ZEB1: variants seen among roughly 807,000 people sequenced by gnomAD.
The protein encoded by ZEB1 is zinc finger E-box binding homeobox 1.
ZEB1 carries 21 observed loss-of-function variants against 84.9 expected under a neutral mutation model. That is an observed-to-expected ratio of 0.25 (90% CI 0.18 to 0.36). The LOEUF (loss-of-function observed/expected upper bound fraction) is 0.36. Ranked by LOEUF, ZEB1 falls within the 10% of genes least tolerant of loss-of-function variation. The pLI is 1.00. For missense variants in ZEB1, 1,104 were observed against 1,330.2 expected (o/e 0.83, Z 2.65); for synonymous variants, 420 against 471.1 (o/e 0.89, Z 1.41).
intron 1 of ZEB1, among the ~76,000 whole-genome samples, chr10:31,392,742 A>C (rs1322867063): frequency 6.6e-6 from 1 of 151,838 alleles, no homozygotes; most frequent in African/African-American, 2.4e-5. Flanking sequence ...TTCTGAAAGG[A>C]GTAGAAAACA....
At chr10:31,372,879 A>G (rs2045960594) in intron 1 of ZEB1, 8 of 510,710 alleles carry the variant, frequency 1.6e-5, no homozygotes, top group Non-Finnish European at 2.0e-5. Context: ...TTCTTTTATT[A>G]TAGCATGTCT....
At chr10:31,328,634 A>G (rs764225346) in intron 1 of ZEB1, among the ~76,000 whole-genome samples, 29 of 152,150 alleles carry the variant, frequency 1.9e-4, no homozygotes, top group Admixed American at 6.5e-5. Context: ...TAAATGATCA[A>G]TAGACACTGA....
chr10:31,509,225 G>C (rs2069527546), intron 4 of ZEB1, among the ~76,000 whole-genome samples: 1 of 152,146 alleles, frequency 6.6e-6, no homozygotes, highest in Admixed American at 6.5e-5. Context: ...TCCCTCTCCG[G>C]AGCAGCATTG....
chr10:31,406,127 A>G lies in ZEB1; in HGVS notation c.59-54910A>G, dbSNP rs189258243. On this transcript the variant is annotated intron_variant, in intron 1 of 8. Coordinates refer to ENST00000424869, the MANE Select transcript of ZEB1 (RefSeq NM_001174096.2). ...TTTGAATTGGTTCCAAGTTTTTGCT[A>G]TTGTGAACAGTGCTGCAGTAAACAT... 1.8e-3 allele frequency among the ~76,000 whole-genome samples: 281 copies of G among 152,258 alleles called. 3 individuals carry two copies. Among genetic ancestry groups the G allele is most frequent in the African/African-American group, 6.4e-3 (267 of 41,556 alleles).
At chr10:31,460,767 A>G (rs941830149) in intron 1 of ZEB1, among the ~76,000 whole-genome samples, 5 of 152,158 alleles carry the variant, frequency 3.3e-5, no homozygotes, top group Non-Finnish European at 5.9e-5. Flanking sequence ...AGGCTGTTAT[A>G]AGATTGTTGT....
intron 1 of ZEB1, chr10:31,375,049 A>ACACT (rs1554828448): frequency 9.0e-6 from 1 of 111,116 alleles, no homozygotes; most frequent in Non-Finnish European, 1.7e-5. Context: ...TTTTTCATAC[A>ACACT]CACACACACA....
intron 4 of ZEB1, among the ~76,000 whole-genome samples, chr10:31,505,463 TG>T (rs987465843): frequency 1.2e-4 from 18 of 152,198 alleles, no homozygotes; most frequent in African/African-American, 3.8e-4. Context: ...TACTCATTAT[TG>T]GTCTGTTCAG....
rs1261143096 is a variant in ZEB1 at position 31,527,199 on chromosome 10, A to C, written c.3313A>C (p.Ser1105Arg). The C allele has an allele frequency of 1.9e-6, 3 of 1,611,706 alleles. No individual in the cohort carries two copies. The highest frequency in any genetic ancestry group is 1.3e-5 in the African/African-American group (1 of 74,822). ...KDDRAESQAS[S>R]LGQKVGESSE... The stretch of plus-strand genomic sequence containing the variant: ...TGACAGGGCTGAAAGTCAAGCAAGC[A>C]GCTTAGGACAAAAAGTAGGCGAGAG... The change falls in exon 9 of 9, where the codon AGC (serine) becomes CGC (arginine). Residue 1105 changes from serine to arginine, a missense_variant. Physicochemically the swap from Ser to Arg is moderately radical, Grantham distance 110. Around this residue, in one of 7 missense-constraint regions of ZEB1, gnomAD observed 173 missense variants for 167.0 expected, o/e 1.04. Coordinates refer to ENST00000424869, the MANE Select transcript of ZEB1 (RefSeq NM_001174096.2).
rs200337026 is a variant in ZEB1, at chr10:31,510,905, T to G, written c.687+30T>G. On this transcript the variant is annotated intron_variant, in intron 5 of 8. Transcript: ENST00000424869. Reference sequence around the variant, plus strand: ...GTGCAATGACTGAGAGTTCACTAACTTTCCAGATTTTGACAACTCAGCCCT... The same window carrying G: ...GTGCAATGACTGAGAGTTCACTAACGTTCCAGATTTTGACAACTCAGCCCT... 4 of 1,607,626 alleles carry G rather than the reference T, an allele frequency of 2.5e-6. No individual in the cohort carries two copies. The Admixed American group carries it at 6.7e-5, about 27-fold the overall frequency.
At chr10:31,466,228 A>G (rs537507225) in intron 2 of ZEB1, among the ~76,000 whole-genome samples, 3 of 152,336 alleles carry the variant, frequency 2.0e-5, no homozygotes, top group East Asian at 1.9e-4. Context: ...CAGAAAATCA[A>G]TAAAGAAACA....
Position 31,521,706 on chromosome 10 carries a change from A to C in ZEB1, c.2374A>C (p.Asn792His). 1 of 1,614,176 alleles carries C rather than the reference A, an allele frequency of 6.2e-7. No homozygotes were observed. The highest frequency in any genetic ancestry group is 8.5e-7 in the Non-Finnish European group (1 of 1,180,018). The change falls in exon 7 of 9, where the codon AAT (asparagine) becomes CAT (histidine). Residue 792 changes from asparagine to histidine, a missense_variant. Around this residue, in one of 7 missense-constraint regions of ZEB1, gnomAD observed 531 missense variants for 575.2 expected, o/e 0.92. Transcript: ENST00000424869. ...TGTTACAGACTCAGAACCAGTTGTA[A>C]ATGTAATCCCACCAAGTGCCAACCC... ...SCVTDSEPVVNVIPPSANPIN... is the reference protein window; with the variant it reads ...SCVTDSEPVVHVIPPSANPIN...
At chr10:31,510,643 A>C (rs1468255341) in intron 4 of ZEB1, 30 bp from the exon 5 acceptor site, 1 of 1,585,576 alleles carries the variant, frequency 6.3e-7, no homozygotes, top group Admixed American at 1.7e-5. Context: ...GAATGTTTTA[A>C]ATTTAAAATA....
At chr10:31,414,854 A>G (rs1429810287) in intron 1 of ZEB1, among the ~76,000 whole-genome samples, 1 of 152,214 alleles carries the variant, frequency 6.6e-6, no homozygotes, top group Non-Finnish European at 1.5e-5. Context: ...ATTATAAACC[A>G]TATTTTTGAT....
chr10:31,517,560 A>T (rs557201709), intron 6 of ZEB1, among the ~76,000 whole-genome samples: 1 of 152,002 alleles, frequency 6.6e-6, no homozygotes, highest in African/African-American at 2.4e-5. Context: ...AAACTTCCTG[A>T]TGTAACCTTC....
At chr10:31,514,471 C>A in intron 5 of ZEB1, 132 bp from the exon 6 acceptor site, 2 of 725,358 alleles carry the variant, frequency 2.8e-6, no homozygotes, top group South Asian at 3.6e-5. Context: ...GTGACTGCTG[C>A]AATTTGAGGT....
chr10:31,384,411 A>T (rs2134995940), intron 1 of ZEB1, among the ~76,000 whole-genome samples: 1 of 152,326 alleles, frequency 6.6e-6, no homozygotes, highest in African/African-American at 2.4e-5. Flanking sequence ...TCATTCAGGC[A>T]CATCACCTGT....
At chr10:31,401,807 T>G (rs1359057108) in intron 1 of ZEB1, among the ~76,000 whole-genome samples, 1 of 152,174 alleles carries the variant, frequency 6.6e-6, no homozygotes, top group Admixed American at 6.5e-5. Flanking sequence ...CAGATGCCTT[T>G]AGAATACAGT....
chr10:31,370,035 A>G (rs887743901), intron 1 of ZEB1, among the ~76,000 whole-genome samples: 3 of 152,170 alleles, frequency 2.0e-5, no homozygotes, highest in African/African-American at 4.8e-5. Context: ...TTCTTTGCCC[A>G]TTTTTAAAAA....
At chr10:31,509,420 G>A (rs2069578322) in intron 4 of ZEB1, among the ~76,000 whole-genome samples, 1 of 152,162 alleles carries the variant, frequency 6.6e-6, no homozygotes, top group Admixed American at 6.5e-5. Flanking sequence ...CTTACTTGAG[G>A]TGTTTCCTGT....
Sources: allele counts gnomAD v4.1 joint callset (sites outside exome capture counted in the v4.1 genomes callset), GRCh38; gene constraint gnomAD v4.1.1; regional missense constraint gnomAD v4.1.1; transcripts MANE v1.5; gene names NCBI Gene and HGNC (gene_info 2026-07-23, HGNC 2026-07-21).